The following PCDHAC1 variants were observed in gnomAD, a reference collection of about 807,000 sequenced individuals.
The protein encoded by PCDHAC1 is protocadherin alpha subfamily C, 1, also known as protocadherin alpha-C1.
In PCDHAC1, 42 loss-of-function variants were observed where a neutral mutation model predicts 60.0. That is an observed-to-expected ratio of 0.70 (90% CI 0.55 to 0.90). PCDHAC1 has a LOEUF of 0.90. Among genes scored for constraint, PCDHAC1 ranks in the 40% least tolerant of loss-of-function variants. The pLI is 0.00. For missense variants in PCDHAC1, 1,160 were observed against 1,222.3 expected (o/e 0.95, Z 0.76); for synonymous variants, 468 against 499.3 (o/e 0.94, Z 0.84).
chr5:140,984,726 A>C (rs549219216), intron 3 of PCDHAC1, among the ~76,000 whole-genome samples: 51 of 152,276 alleles, frequency 3.3e-4, no homozygotes, highest in Non-Finnish European at 5.0e-4. Flanking sequence ...AAAGATTAAG[A>C]TTATGATTTA....
chr5:141,001,269 C>A (rs536985121), intron 3 of PCDHAC1, among the ~76,000 whole-genome samples: 2 of 152,152 alleles, frequency 1.3e-5, no homozygotes, highest in East Asian at 3.9e-4. Context: ...CTCTTATGAA[C>A]TTTTTTTACG....
chr5:140,967,817 G>A, intron 1 of PCDHAC1: 1 of 1,614,182 alleles, frequency 6.2e-7, no homozygotes. Context: ...TCACTGCAAG[G>A]TGCTGGTGGA....
intron 1 of PCDHAC1, among the ~76,000 whole-genome samples, chr5:140,936,995 A>G (rs2091251299): frequency 6.6e-6 from 1 of 151,864 alleles, no homozygotes; most frequent in Non-Finnish European, 1.5e-5. Flanking sequence ...CATTGACAAT[A>G]TTGAGACAGA....
chr5:140,966,149 G>C (rs1347243484), intron 1 of PCDHAC1: 1 of 167,682 alleles, frequency 6.0e-6, no homozygotes, highest in Non-Finnish European at 1.3e-5. Flanking sequence ...TTCCTGAATT[G>C]CGCTTGGAGA....
At chr5:140,966,687 G>A in intron 1 of PCDHAC1, 1 of 1,340,546 alleles carries the variant, frequency 7.5e-7, no homozygotes, top group East Asian at 2.9e-5. Flanking sequence ...ACGAGCGGAG[G>A]CGGGGCCCGG....
rs114961630 is a variant in PCDHAC1, at chr5:140,926,715, G to C, written c.-178G>C. 2.1e-6 allele frequency: 2 copies of C among 952,238 alleles called. No individual in the cohort carries two copies. Among genetic ancestry groups the C allele is most frequent in the Non-Finnish European group, 1.4e-6 (1 of 697,816 alleles). The allele number at this position is 952,238 out of a possible 1,614,324, so 59.0% of individuals were successfully genotyped here. ...GCCCGGCTCCCAGCTGGCCAGCCCCGGCAATGCCGGCGTTCGGGAGGCGCA... is the reference window on the plus strand; with the variant it reads ...GCCCGGCTCCCAGCTGGCCAGCCCCCGCAATGCCGGCGTTCGGGAGGCGCA... On this transcript the variant is annotated 5_prime_UTR_variant, in exon 1 of 4. Transcript: ENST00000253807.
At chr5:140,995,608 C>G (rs543938511) in intron 3 of PCDHAC1, among the ~76,000 whole-genome samples, 1 of 152,206 alleles carries the variant, frequency 6.6e-6, no homozygotes, top group East Asian at 1.9e-4. Flanking sequence ...TTTCTTCTCC[C>G]AAACCAAATA....
At chr5:140,962,438 GATGGCTTGAATCTCTT>G (rs1298191516) in intron 1 of PCDHAC1, among the ~76,000 whole-genome samples, 11 of 152,108 alleles carry the variant, frequency 7.2e-5, no homozygotes, top group East Asian at 5.8e-4. Flanking sequence ...CTTATCCAAA[GATGGCTTGAATCTCTT>G]ATGGCTTGAA....
Position 141,010,268 on chromosome 5 carries a change from A to T in PCDHAC1, c.*331A>T. 1 of 1,551,622 alleles carries T rather than the reference A, an allele frequency of 6.4e-7. No homozygotes were observed. Among genetic ancestry groups the T allele is most frequent in the Non-Finnish European group, 8.7e-7 (1 of 1,146,964 alleles). On this transcript the variant is annotated 3_prime_UTR_variant, in exon 4 of 4. Coordinates refer to ENST00000253807, the MANE Select transcript of PCDHAC1 (RefSeq NM_018898.5). ...GGACTCTCTGCCCTGTGCTCCGGGG[A>T]TCCTGTCTTGATGACACTTGCAGGG...
rs782547925 is a variant in PCDHAC1, at chr5:140,967,973, G to A, written c.2434-10976G>A. 4 of 1,614,170 alleles carry A rather than the reference G, an allele frequency of 2.5e-6. No individual in the cohort carries two copies. In the African/African-American group the frequency reaches 4.0e-5, roughly 16 times the overall value. On this transcript the variant is annotated intron_variant, in intron 1 of 3. Coordinates refer to ENST00000253807, the MANE Select transcript of PCDHAC1 (RefSeq NM_018898.5). ...AGGCCCCAACCGGAAAGTGAGCCTG[G>A]GTCTGGAGGCCACACTGCCTTTCCG... is the stretch of plus-strand genomic sequence containing the variant.
chr5:140,967,858 G>C lies in PCDHAC1; in HGVS notation c.2434-11091G>C, dbSNP rs2096190865. ...TGGACGTGAATGACAATGCCCCAGA[G>C]GTGGTGCTCACGGACCTGTATAGCC... On this transcript the variant is annotated intron_variant, in intron 1 of 3. Coordinates refer to ENST00000253807, the MANE Select transcript of PCDHAC1 (RefSeq NM_018898.5). 6 of 1,614,166 alleles carry C rather than the reference G, an allele frequency of 3.7e-6. No homozygotes were observed. The East Asian group carries it at 1.3e-4, about 36-fold the overall frequency.
intron 3 of PCDHAC1, among the ~76,000 whole-genome samples, chr5:141,004,794 G>A (rs1272334301): frequency 6.6e-6 from 1 of 152,144 alleles, no homozygotes; most frequent in Non-Finnish European, 1.5e-5. Context: ...GGCAGATTCT[G>A]GCTGAGCTCA....
At chr5:140,968,907 C>G in intron 1 of PCDHAC1, 1 of 1,614,180 alleles carries the variant, frequency 6.2e-7, no homozygotes. Context: ...GCATTAAGCA[C>G]AGTGTCTTTT....
chr5:140,948,345 A>G (rs1476053305), intron 1 of PCDHAC1, among the ~76,000 whole-genome samples: 3 of 151,554 alleles, frequency 2.0e-5, no homozygotes, highest in African/African-American at 7.2e-5. Context: ...TAGTATTTCT[A>G]ACCTAATAAA....
intron 1 of PCDHAC1, among the ~76,000 whole-genome samples, chr5:140,946,691 G>C (rs782114019): frequency 6.8e-6 from 1 of 147,578 alleles, no homozygotes; most frequent in Non-Finnish European, 1.5e-5. Flanking sequence ...TGACAATATG[G>C]ATGAATCTGG....
At position 140,928,490 on chromosome 5, in the gene PCDHAC1, CT is replaced by C; in HGVS notation, c.1599del (p.Arg535GlufsTer5). 2 of 1,614,150 alleles carry C rather than the reference CT, an allele frequency of 1.2e-6. No individual in the cohort carries two copies. Among genetic ancestry groups the C allele is most frequent in the Non-Finnish European group, 1.7e-6 (2 of 1,180,014 alleles). The part of the protein sequence containing the change: ...FQVEGRDGGI[P>X]PRSATVTINL... ...GTAGAAGGCCGGGATGGTGGCATTC[CT>C]CCCAGAAGTGCAACAGTGACTATAA... is the stretch of plus-strand genomic sequence containing the variant. On this transcript the variant is annotated frameshift_variant, in exon 1 of 4. Coordinates refer to ENST00000253807, the MANE Select transcript of PCDHAC1 (RefSeq NM_018898.5). LOFTEE classifies it high-confidence loss of function.
At chr5:140,963,303 G>A (rs2153735006) in intron 1 of PCDHAC1, among the ~76,000 whole-genome samples, 1 of 152,286 alleles carries the variant, frequency 6.6e-6, no homozygotes, top group South Asian at 2.1e-4. Flanking sequence ...GAGAAAATAA[G>A]AAGCTGTTTG....
intron 1 of PCDHAC1, chr5:140,968,431 G>T: frequency 6.2e-7 from 1 of 1,613,980 alleles, no homozygotes; most frequent in South Asian, 1.1e-5. Flanking sequence ...AGGACAAGGG[G>T]AGCCCACCAC....
chr5:140,927,582 G>A lies in PCDHAC1; in HGVS notation c.690G>A (p.Ala230=), dbSNP rs1554204771. Residue 230 remains alanine (A), a synonymous_variant, in exon 1 of 4, where the codon GCG becomes GCA. Transcript: ENST00000253807. ...TTGTGGTGGACACAAATGACAACGCGCCTGTATTTGAGCGCTCCGTATACC... is the reference window on the plus strand; with the variant it reads ...TTGTGGTGGACACAAATGACAACGCACCTGTATTTGAGCGCTCCGTATACC... ...TIIVVDTNDN[A]PVFERSVYRT... is the part of the protein sequence containing the mutation. 3.7e-6 allele frequency: 6 copies of A among 1,614,174 alleles called. No individual in the cohort carries two copies. In the East Asian group the frequency reaches 1.1e-4, roughly 30 times the overall value.
Sources: gnomAD v4.1 joint callset for allele counts (sites outside exome capture counted in the v4.1 genomes callset) on GRCh38, gnomAD v4.1.1 for gene constraint, MANE v1.5 for transcripts, NCBI Gene and HGNC (gene_info 2026-07-23, HGNC 2026-07-21) for gene names.